Variants in CALN1 observed in about 807,000 individuals in gnomAD.
CALN1 encodes calneuron 1.
A neutral mutation model predicts 30.6 loss-of-function variants in CALN1; 17 were observed. That is an observed-to-expected ratio of 0.56 (90% CI 0.38 to 0.83). The LOEUF (loss-of-function observed/expected upper bound fraction) is 0.83, where lower values mean the gene tolerates loss of function less well. Among genes scored for constraint, CALN1 ranks in the 40% least tolerant of loss-of-function variants. CALN1 has a pLI of 0.00. For missense variants in CALN1, 291 were observed against 354.9 expected (o/e 0.82, Z 1.45); for synonymous variants, 156 against 131.4 (o/e 1.19, Z -1.28).
At chr7:72,257,650 G>A (rs1296051199) in intron 3 of CALN1, among the ~76,000 whole-genome samples, 1 of 152,142 alleles carries the variant, frequency 6.6e-6, no homozygotes. Context: ...CTATGAAAAA[G>A]ACACAAGCAC....
chr7:71,799,709 CAA>C (rs1458536281), intron 6 of CALN1, among the ~76,000 whole-genome samples: 139 of 152,050 alleles, frequency 9.1e-4, no homozygotes, highest in Middle Eastern at 3.4e-3. Flanking sequence ...CTCCTGACCT[CAA>C]GTGATCCACC....
At chr7:72,029,615 C>G (rs1396241050) in intron 4 of CALN1, among the ~76,000 whole-genome samples, 1 of 152,178 alleles carries the variant, frequency 6.6e-6, no homozygotes, top group African/African-American at 2.4e-5. Flanking sequence ...GAAAGAGGAG[C>G]TGAAGACTAG....
chr7:71,789,481 T>TG (rs1231654343), intron 6 of CALN1, among the ~76,000 whole-genome samples: 3 of 151,682 alleles, frequency 2.0e-5, no homozygotes, highest in African/African-American at 4.8e-5. Context: ...GCTCTGGGAG[T>TG]GGGGGTCCCC....
chr7:71,795,638 G>C (rs986906101), intron 6 of CALN1, among the ~76,000 whole-genome samples: 2 of 151,850 alleles, frequency 1.3e-5, no homozygotes, highest in Non-Finnish European at 2.9e-5. Context: ...TGCTCATTCC[G>C]CTCGCTCTGC....
intron 4 of CALN1, among the ~76,000 whole-genome samples, chr7:72,033,703 G>C (rs894690246): frequency 6.6e-6 from 1 of 152,194 alleles, no homozygotes; most frequent in Non-Finnish European, 1.5e-5. Context: ...CATAGGAAGA[G>C]AGCAGGACAA....
At chr7:72,022,513 C>T (rs567983726) in intron 5 of CALN1, among the ~76,000 whole-genome samples, 1 of 152,224 alleles carries the variant, frequency 6.6e-6, no homozygotes, top group South Asian at 2.1e-4. Flanking sequence ...CTCCCTCAGC[C>T]TCAAGAGTAG....
chr7:71,873,505 G>C (rs957075542), intron 5 of CALN1, among the ~76,000 whole-genome samples: 1 of 152,228 alleles, frequency 6.6e-6, no homozygotes, highest in Non-Finnish European at 1.5e-5. Flanking sequence ...GTTTTCCTCT[G>C]AGTCCAATGT....
chr7:72,050,123 G>A (rs1486370566), intron 4 of CALN1, among the ~76,000 whole-genome samples: 1 of 152,010 alleles, frequency 6.6e-6, no homozygotes, highest in Non-Finnish European at 1.5e-5. Context: ...CCGGCCGAAG[G>A]TAGGTATTAA....
Position 72,065,896 on chromosome 7 carries a change from AAAAAG to A in CALN1, c.388+40250_388+40254del, listed in dbSNP as rs148115018. 9.3e-3 allele frequency among the ~76,000 whole-genome samples: 1,421 copies of A among 152,286 alleles called. 19 individuals carry two copies. The highest frequency in any genetic ancestry group is 0.03 in the African/African-American group (1,236 of 41,548). On this transcript the variant is annotated intron_variant, in intron 4 of 6. Transcript: ENST00000395275. ...CAACAAGAGCAAAACTCCATCTCAA[AAAAAG>A]AAAAGAAAAGAAAAAAAGAAACAGC...
At chr7:72,175,219 G>A (rs112963432) in intron 3 of CALN1, among the ~76,000 whole-genome samples, 4,070 of 151,866 alleles carry the variant, frequency 0.027, 192 homozygotes, top group African/African-American at 0.093. Flanking sequence ...GACTACAGGC[G>A]CCCGCCACCA....
At chr7:72,355,477 G>C (rs1319860404) in intron 2 of CALN1, among the ~76,000 whole-genome samples, 1 of 152,138 alleles carries the variant, frequency 6.6e-6, no homozygotes, top group Non-Finnish European at 1.5e-5. Flanking sequence ...AGTGAGCCGG[G>C]ATTACACCAC....
intron 5 of CALN1, among the ~76,000 whole-genome samples, chr7:71,956,934 G>A (rs972304486): frequency 1.3e-5 from 2 of 152,026 alleles, no homozygotes; most frequent in African/African-American, 4.8e-5. Context: ...GAGACCTCAG[G>A]TGATCCACCC....
chr7:72,263,674 C>T (rs906784540), intron 3 of CALN1, among the ~76,000 whole-genome samples: 3 of 152,158 alleles, frequency 2.0e-5, no homozygotes, highest in Non-Finnish European at 4.4e-5. Context: ...CCTCCGCCTC[C>T]CACAGTGTTG....
Position 72,302,209 on chromosome 7 carries a change from G to A in CALN1, c.120-23399C>T, listed in dbSNP as rs561414295. 1.1e-4 allele frequency among the ~76,000 whole-genome samples: 17 copies of A among 152,276 alleles called. 1 individual carries two copies. In the South Asian group the frequency reaches 3.5e-3, roughly 32 times the overall value. Reference sequence around the variant, plus strand: ...CAAGAGAAATTCCCAGAGCGGATGAGATGAAGCTTGAGACTGAAAATGCCT... The same window carrying A: ...CAAGAGAAATTCCCAGAGCGGATGAAATGAAGCTTGAGACTGAAAATGCCT... On this transcript the variant is annotated intron_variant, in intron 2 of 6. Transcript: ENST00000395275.
chr7:72,043,542 G>A (rs780938782), intron 4 of CALN1, among the ~76,000 whole-genome samples: 1 of 152,166 alleles, frequency 6.6e-6, no homozygotes, highest in Non-Finnish European at 1.5e-5. Flanking sequence ...GCTGAGCTGG[G>A]AAGATTGCTT....
At chr7:72,238,857 G>C (rs941324830) in intron 3 of CALN1, among the ~76,000 whole-genome samples, 1 of 152,078 alleles carries the variant, frequency 6.6e-6, no homozygotes, top group Non-Finnish European at 1.5e-5. Context: ...GTCTTTATTA[G>C]CAGCATGAGA....
chr7:72,102,000 T>TA (rs879864369), intron 4 of CALN1, among the ~76,000 whole-genome samples: 3 of 152,162 alleles, frequency 2.0e-5, no homozygotes, highest in Non-Finnish European at 2.9e-5. Context: ...GGAAGAAACT[T>TA]AAAGATTATC....
the CALN1 span, among the ~76,000 whole-genome samples, chr7:72,492,867 G>A: frequency 3.5e-4 from 54 of 152,272 alleles, no homozygotes; most frequent in Admixed American, 7.2e-4. Flanking sequence ...TGGTATGTTC[G>A]ATCCTCAGAA....
intron 3 of CALN1, among the ~76,000 whole-genome samples, chr7:72,229,056 C>T (rs1334680864): frequency 6.6e-6 from 1 of 151,528 alleles, no homozygotes; most frequent in Non-Finnish European, 1.5e-5. Context: ...TGGGCCACCA[C>T]ACCCAGCCCA....
Sources: gnomAD v4.1 joint callset for allele counts (sites outside exome capture counted in the v4.1 genomes callset) on GRCh38, gnomAD v4.1.1 for gene constraint, MANE v1.5 for transcripts, NCBI Gene and HGNC (gene_info 2026-07-23, HGNC 2026-07-21) for gene names.